REXO1: variants seen among roughly 807,000 people sequenced by gnomAD.
REXO1 encodes the protein REX1, RNA exonuclease 1 homolog.
REXO1 carries 42 observed loss-of-function variants against 102.6 expected under a neutral mutation model. The ratio of observed to expected loss-of-function variants is 0.41; its 90% confidence interval spans 0.32 to 0.53. REXO1 has a LOEUF of 0.53. REXO1 is among the 20% of genes least tolerant of loss of function. REXO1 has a pLI of 0.27. For synonymous variants in REXO1, 908 were observed against 779.1 expected (o/e 1.17, Z -2.76); for missense variants, 1,819 against 1,732.5 (o/e 1.05, Z -0.89).
chr19:1,815,763 A>T lies in REXO1; in HGVS notation c.*303T>A, dbSNP rs1439899454. 7.0e-7 allele frequency: 1 copy of T among 1,426,192 alleles called. No homozygotes were observed. Among genetic ancestry groups the T allele is most frequent in the Non-Finnish European group, 9.2e-7 (1 of 1,084,836 alleles). 88.3% of individuals were successfully genotyped at this position (1,426,192 alleles called of 1,614,324 possible). A position where few individuals can be genotyped will look rare whatever the true frequency, so the allele number is the denominator to read the frequency against. On this transcript the variant is annotated 3_prime_UTR_variant, in exon 16 of 16. Transcript: ENST00000170168. This position sits in a 1 kb window ranked among gnomAD's most constrained non-coding sequence, Gnocchi z 4.0. ...CACCACCCGGGAGGGAGGGCCTGGC[A>T]GGAGGGGCAGGAGGGGCTGCGGGCC...
Position 1,827,646 on chromosome 19 carries a change from G to T in REXO1, c.1143C>A (p.Thr381=). The change falls in exon 2 of 16, where the codon ACC becomes ACA. Residue 381 remains threonine (T), a synonymous_variant. Coordinates refer to ENST00000170168, the MANE Select transcript of REXO1 (RefSeq NM_020695.4). ...TGCAGCTGGGGGCAGGTGGGGCCCC[G>T]GTTTTTTTCTTCTTGGGTTTTCCCT... ...PKEGKPKKKK[T]GAPPAPSCKD... 1 of 1,570,172 alleles carries T rather than the reference G, an allele frequency of 6.4e-7. No homozygotes were observed.
chr19:1,828,032 C>A lies in REXO1; in HGVS notation c.757G>T (p.Glu253Ter). The A allele has an allele frequency of 6.2e-7, 1 of 1,612,854 alleles. No individual in the cohort carries two copies. The highest frequency in any genetic ancestry group is 8.5e-7 in the Non-Finnish European group (1 of 1,179,720). The change falls in exon 2 of 16, where the codon GAG becomes TAG. Residue 253 changes from glutamate (E) to a stop codon, truncating the protein, a stop_gained. Coordinates refer to ENST00000170168, the MANE Select transcript of REXO1 (RefSeq NM_020695.4). LOFTEE classifies it high-confidence loss of function. ...CCCCGGGGCCGCTTGGCGGCCCGCT[C>A]ATCCCGGGAGCTGGCCCTGCTGAGG... ...RHLSRASSRD[E>*]RAAKRPRGSR...
At chr19:1,831,886 A>G (rs1398298480) in intron 1 of REXO1, among the ~76,000 whole-genome samples, 12 of 149,796 alleles carry the variant, frequency 8.0e-5, no homozygotes, top group African/African-American at 2.9e-4. Context: ...AAGAAAAAGA[A>G]AAAAAGAAAT....
intron 1 of REXO1, 63 bp from the exon 2 acceptor site, chr19:1,828,694 CG>C: frequency 4.7e-6 from 7 of 1,495,942 alleles, no homozygotes; most frequent in Non-Finnish European, 6.2e-6. Context: ...AGCATGGGGG[CG>C]GCCCCGGTCT....
In REXO1 at chr19:1,819,147, G is replaced by A. The variant is rs373308700; in HGVS notation, c.2651-16C>T. ...CCACTGGTTTCTGGAAGGAAGGGAG[G>A]GAGGGGAGGAGGGTGTGAAGTAGCT... On this transcript the variant is annotated splice_polypyrimidine_tract_variant and intron_variant, in intron 7 of 15. Coordinates refer to ENST00000170168, the MANE Select transcript of REXO1 (RefSeq NM_020695.4). 15 of 1,538,998 alleles carry A rather than the reference G, an allele frequency of 9.7e-6. No individual in the cohort carries two copies. The highest frequency in any genetic ancestry group is 1.3e-5 in the Non-Finnish European group (15 of 1,136,178).
chr19:1,825,994 C>G, intron 2 of REXO1, 51 bp from the exon 3 acceptor site: 2 of 1,322,136 alleles, frequency 1.5e-6, no homozygotes, highest in Non-Finnish European at 2.2e-6. Flanking sequence ...CTGCCAACAC[C>G]AACACACCCC....
rs2069344275 is a variant in REXO1, at chr19:1,815,865, G to A, written c.*201C>T. The A allele has an allele frequency of 1.3e-6, 2 of 1,523,250 alleles. No homozygotes were observed. The highest frequency in any genetic ancestry group is 3.9e-5 in the Admixed American group (2 of 50,676). The allele number at this position is 1,523,250 out of a possible 1,614,324, so 94.4% of individuals were successfully genotyped here. A position where few individuals can be genotyped will look rare whatever the true frequency, so the allele number is the denominator to read the frequency against. ...GCCAGAGGGCTGGGGGGCAGAGGGTGGGGACCGGCGGAGGGGTGCGGCAGG... is the reference window on the plus strand; with the variant it reads ...GCCAGAGGGCTGGGGGGCAGAGGGTAGGGACCGGCGGAGGGGTGCGGCAGG... On this transcript the variant is annotated 3_prime_UTR_variant, in exon 16 of 16. Transcript: ENST00000170168. The surrounding 1 kb of genome is among the most constrained non-coding windows in gnomAD (Gnocchi z 4.0).
chr19:1,816,023 A>C lies in REXO1; in HGVS notation c.*43T>G, dbSNP rs1360391025. On this transcript the variant is annotated 3_prime_UTR_variant, in exon 16 of 16. Transcript: ENST00000170168. ...TTTTGGAAGAGGCATGGGGCTAAGG[A>C]CCAGCGGGACGGCAGGAGAGGCGGG... 1 of 1,539,950 alleles carries C rather than the reference A, an allele frequency of 6.5e-7. No individual in the cohort carries two copies. Among genetic ancestry groups the C allele is most frequent in the African/African-American group, 1.4e-5 (1 of 73,136 alleles).
At chr19:1,818,888 G>A (rs759637128) in intron 8 of REXO1, 45 bp from the exon 9 acceptor site, 94 of 1,597,744 alleles carry the variant, frequency 5.9e-5, no homozygotes, top group Admixed American at 2.8e-4. Context: ...GATGGCCCAC[G>A]GGGCGGTAGA....
intron 1 of REXO1, among the ~76,000 whole-genome samples, chr19:1,842,775 G>A (rs894971230): frequency 1.3e-5 from 2 of 152,242 alleles, no homozygotes; most frequent in Admixed American, 6.5e-5. Context: ...ACTCGGCAAA[G>A]GAAGCCACAC....
Position 1,815,943 on chromosome 19 carries a change from G to C in REXO1, c.*123C>G. On this transcript the variant is annotated 3_prime_UTR_variant, in exon 16 of 16. Transcript: ENST00000170168. The surrounding 1 kb of genome is among the most constrained non-coding windows in gnomAD (Gnocchi z 4.0). ...CGTTCTCTGGCCGCCAGCTCATCCC[G>C]CTGCTCTGGGCTGCCTCGGCCAGGT... 1.3e-6 allele frequency: 2 copies of C among 1,535,082 alleles called. No homozygotes were observed. The highest frequency in any genetic ancestry group is 8.7e-7 in the Non-Finnish European group (1 of 1,146,484).
chr19:1,844,809 C>A (rs112542078), intron 1 of REXO1, among the ~76,000 whole-genome samples: 1 of 152,338 alleles, frequency 6.6e-6, no homozygotes, highest in African/African-American at 2.4e-5. Context: ...CTGGGACTGT[C>A]CTGCTGGGGC....
intron 12 of REXO1, 130 bp from the exon 13 acceptor site, chr19:1,816,943 G>A (rs2069384251): frequency 2.6e-6 from 2 of 764,466 alleles, no homozygotes; most frequent in Non-Finnish European, 4.3e-6. Context: ...GGACTTCTAG[G>A]AGAGGCCGAG....
chr19:1,844,836 C>T lies in REXO1; in HGVS notation c.157+3366G>A, dbSNP rs553506206. On this transcript the variant is annotated intron_variant, in intron 1 of 15. Coordinates refer to ENST00000170168, the MANE Select transcript of REXO1 (RefSeq NM_020695.4). ...TGCTGGGGCCTGAGTCAGCCTGTGG[C>T]GCAGCACTAGCATCCCCTCAACGTG... Among the ~76,000 whole-genome samples, 9 of 152,334 alleles carry T rather than the reference C, an allele frequency of 5.9e-5. 2 individuals are homozygous for T. The South Asian group carries it at 1.7e-3, about 28-fold the overall frequency.
At chr19:1,836,533 G>GTCAGGAGTTCGAGA (rs1403505322) in intron 1 of REXO1, among the ~76,000 whole-genome samples, 3 of 152,066 alleles carry the variant, frequency 2.0e-5, no homozygotes, top group African/African-American at 4.8e-5. Flanking sequence ...ATCACCTGAG[G>GTCAGGAGTTCGAGA]TCAGGAGTTC....
chr19:1,833,080 T>C (rs1262609617), intron 1 of REXO1, among the ~76,000 whole-genome samples: 1 of 151,944 alleles, frequency 6.6e-6, no homozygotes, highest in Non-Finnish European at 1.5e-5. Context: ...AAAAATGAGC[T>C]GGGTGTGATG....
At chr19:1,819,805 G>A in intron 7 of REXO1, 129 bp downstream of exon 7, 3 of 1,035,730 alleles carry the variant, frequency 2.9e-6, no homozygotes, top group Non-Finnish European at 4.0e-6. Context: ...CCCCCCCACA[G>A]CACCGCGCTT....
chr19:1,835,386 A>G (rs1207560074), intron 1 of REXO1, among the ~76,000 whole-genome samples: 5 of 152,110 alleles, frequency 3.3e-5, no homozygotes, highest in Admixed American at 3.3e-4. Context: ...CTACTAAAAA[A>G]TACAAAAAAA....
At position 1,817,795 on chromosome 19, in the gene REXO1, G is replaced by C. The variant is rs2069414734; in HGVS notation, c.3017-15C>G. On this transcript the variant is annotated splice_polypyrimidine_tract_variant and intron_variant, in intron 10 of 15. Transcript: ENST00000170168. ...GCCTCCGGCCACTGCAGGGGACACA[G>C]ACACACAGTCAGGGCCCGGCCAGGC... 1.2e-6 allele frequency: 2 copies of C among 1,609,502 alleles called. No individual in the cohort carries two copies. The highest frequency in any genetic ancestry group is 1.3e-5 in the African/African-American group (1 of 74,894).
Sources: gnomAD v4.1 joint callset for allele counts (sites outside exome capture counted in the v4.1 genomes callset) on GRCh38, gnomAD v4.1.1 for gene constraint, Gnocchi (gnomAD v3.1) non-coding constraint, MANE v1.5 for transcripts, NCBI Gene and HGNC (gene_info 2026-07-23, HGNC 2026-07-21) for gene names.